Variants in RIF1 observed in about 807,000 individuals in gnomAD.
RIF1 encodes replication timing regulatory factor 1.
In RIF1, 45 loss-of-function variants were observed where a neutral mutation model predicts 247.1. The ratio of observed to expected loss-of-function variants is 0.18; its 90% CI spans 0.14 to 0.23. The LOEUF is 0.23. Among genes scored for constraint, RIF1 ranks in the 10% least tolerant of loss-of-function variants. The probability of loss-of-function intolerance (pLI) is 1.00; values close to 1 mark genes in which losing one functional copy is unlikely to be tolerated. For synonymous variants in RIF1, 1,087 were observed against 978.8 expected (o/e 1.11, Z -2.06); for missense variants, 2,967 against 2,862.5 (o/e 1.04, Z -0.83).
chr2:151,493,761 C>T (rs1010488580), intron 9 of RIF1: 1 of 1,513,076 alleles, frequency 6.6e-7, no homozygotes. Context: ...ATTTATTTTT[C>T]CTTTCTAAAA....
the RIF1 span, chr2:151,533,297 A>T: frequency 1.7e-6 from 1 of 603,482 alleles, no homozygotes; most frequent in East Asian, 2.8e-5. Flanking sequence ...TTCAGAGATC[A>T]TTTACAAGGA....
chr2:151,468,871 A>G (rs529595823), intron 33 of RIF1, 115 bp downstream of exon 33: 10 of 749,418 alleles, frequency 1.3e-5, no homozygotes, highest in Middle Eastern at 2.4e-4. Context: ...TCTCACACAC[A>G]TTTTATTTTT....
intron 3 of RIF1, among the ~76,000 whole-genome samples, chr2:151,412,423 C>A (rs531138620): frequency 6.6e-6 from 1 of 152,010 alleles, no homozygotes; most frequent in Non-Finnish European, 1.5e-5. Flanking sequence ...TGGGTCCAAG[C>A]GATCCTCCCA....
chr2:151,448,357 C>A (rs567586639), intron 20 of RIF1, among the ~76,000 whole-genome samples: 6 of 152,098 alleles, frequency 3.9e-5, no homozygotes, highest in African/African-American at 1.2e-4. Flanking sequence ...AATGACAGTT[C>A]TTATTGTAAA....
At position 151,464,665 on chromosome 2, in the gene RIF1, A is replaced by G. The variant is rs769247192; in HGVS notation, c.5145A>G (p.Thr1715=). 1.4e-5 allele frequency: 23 copies of G among 1,612,834 alleles called. No individual in the cohort carries two copies. In the South Asian group the frequency reaches 2.0e-4, roughly 14 times the overall value. ...CGCTTTCAGAAAAAACTTTTCAAAC[A>G]CTTGAATGCCAACACAAGAGAAGTA... ...ISSLSEKTFQ[T]LECQHKRSRR... is the part of the protein sequence containing the mutation. The change falls in exon 30 of 36, where the codon ACA becomes ACG. Residue 1715 remains threonine (T), a synonymous_variant. Transcript: ENST00000444746.
At chr2:151,473,923 G>A (rs368631334) in intron 34 of RIF1, 41 bp from the exon 35 acceptor site, 1 of 959,696 alleles carries the variant, frequency 1.0e-6, no homozygotes, top group South Asian at 1.3e-5. Flanking sequence ...ATTTGTTGTT[G>A]TTGTTGTTTT....
intron 12 of RIF1, chr2:151,505,914 TTGAC>T (rs1424097092): frequency 3.6e-6 from 2 of 563,112 alleles, no homozygotes; most frequent in Non-Finnish European, 6.3e-6. Context: ...GGTTGGTTCT[TTGAC>T]TGTACCGGAT....
At chr2:151,507,413 CTG>C (rs1421811874) in intron 13 of RIF1, among the ~76,000 whole-genome samples, 1 of 152,192 alleles carries the variant, frequency 6.6e-6, no homozygotes, top group Non-Finnish European at 1.5e-5. Flanking sequence ...CTGGCCTTCT[CTG>C]TTTTTTCCTG....
chr2:151,523,072 G>A, the RIF1 span, among the ~76,000 whole-genome samples: 4 of 152,052 alleles, frequency 2.6e-5, no homozygotes, highest in African/African-American at 7.2e-5. Flanking sequence ...CATCATAGTC[G>A]TTTGTTTTTA....
At chr2:151,458,397 T>A (rs13403719) in intron 24 of RIF1, among the ~76,000 whole-genome samples, 44,928 of 151,694 alleles carry the variant, frequency 0.3, 8,131 homozygotes, top group Non-Finnish European at 0.42. Flanking sequence ...CATGCCTGGC[T>A]AATTTTTTGT....
chr2:151,527,526 T>TC, the RIF1 span: 2 of 1,613,474 alleles, frequency 1.2e-6, no homozygotes, highest in Non-Finnish European at 1.7e-6. Flanking sequence ...GGAAGTCCGG[T>TC]CGGTCAGGAG....
At position 151,464,763 on chromosome 2, in the gene RIF1, G is replaced by T. The variant is rs1326139251; in HGVS notation, c.5243G>T (p.Gly1748Val). ...KSQPQEKSLIGLKNTENNDVE... is the reference protein window; with the variant it reads ...KSQPQEKSLIVLKNTENNDVE... ...CAACCTCAGGAAAAGTCACTCATTG[G>T]GTTAAAGAATACAGAAAATAATGAC... Residue 1748 changes from glycine (G) to valine (V), a missense_variant, in exon 30 of 36, where the codon GGG becomes GTG. Gly to Val is a moderately radical substitution (Grantham distance 109, BLOSUM62 -3). Transcript: ENST00000444746. 2.5e-6 allele frequency: 4 copies of T among 1,613,778 alleles called. No individual in the cohort carries two copies. The highest frequency in any genetic ancestry group is 3.4e-6 in the Non-Finnish European group (4 of 1,179,928).
chr2:151,463,905 T>C lies in RIF1; in HGVS notation c.4385T>C (p.Val1462Ala). Reference sequence around the variant, plus strand: ...AGTCCATTGCATATAAAAGATGATGTGTTACCTAAACAAAAACTGATTGCT... The same window carrying C: ...AGTCCATTGCATATAAAAGATGATGCGTTACCTAAACAAAAACTGATTGCT... ...QKSPLHIKDD[V>A]LPKQKLIAEQ... Residue 1462 changes from valine to alanine, a missense_variant, in exon 30 of 36, where the codon GTG (valine) becomes GCG (alanine). This residue lies in a region of RIF1 where 2,028 missense variants were observed against 1,825.6 expected (regional missense o/e 1.11). Coordinates refer to ENST00000444746, the MANE Select transcript of RIF1 (RefSeq NM_018151.5). The C allele has an allele frequency of 6.2e-7, 1 of 1,613,656 alleles. No homozygotes were observed. The highest frequency in any genetic ancestry group is 8.5e-7 in the Non-Finnish European group (1 of 1,179,920).
In RIF1 at chr2:151,475,225, T is replaced by C. The variant is rs1475482297; in HGVS notation, c.*154T>C. ...GAAGGACAGTGACTTATTATGTAAG[T>C]TCAATTTTGTAAGTTCATTATGTAA... On this transcript the variant is annotated 3_prime_UTR_variant, in exon 36 of 36. Coordinates refer to ENST00000444746, the MANE Select transcript of RIF1 (RefSeq NM_018151.5). The C allele has an allele frequency of 1.6e-6, 1 of 617,984 alleles. No individual in the cohort carries two copies. The highest frequency in any genetic ancestry group is 2.8e-6 in the Non-Finnish European group (1 of 355,622). 38.3% of individuals were successfully genotyped at this position (617,984 alleles called of 1,614,324 possible).
In RIF1 at chr2:151,433,169, G is replaced by A; in HGVS notation, c.1018G>A (p.Glu340Lys). The A allele has an allele frequency of 1.2e-6, 2 of 1,613,448 alleles. No individual in the cohort carries two copies. Among genetic ancestry groups the A allele is most frequent in the East Asian group, 2.2e-5 (1 of 44,816 alleles). ...RTETLALTKL[E>K]VWWYLLMRLG... ...AGAAACTCTAGCATTAACAAAACTA[G>A]AAGTCTGGTGGTATTTACTGATGAG... is the stretch of plus-strand genomic sequence containing the variant. The change falls in exon 10 of 36, where the codon GAA (glutamate) becomes AAA (lysine). Residue 340 changes from glutamate (E) to lysine (K), a missense_variant. Glu to Lys is a moderately conservative substitution (Grantham distance 56, BLOSUM62 1). Coordinates refer to ENST00000444746, the MANE Select transcript of RIF1 (RefSeq NM_018151.5).
intron 16 of RIF1, 139 bp from the exon 17 acceptor site, chr2:151,443,120 A>C (rs1692655039): frequency 3.3e-6 from 2 of 612,198 alleles, no homozygotes; most frequent in South Asian, 4.3e-5. Context: ...AATTTTACTA[A>C]CATGGTTGTC....
At chr2:151,448,824 T>C (rs1466691070) in intron 20 of RIF1, among the ~76,000 whole-genome samples, 1 of 152,202 alleles carries the variant, frequency 6.6e-6, no homozygotes, top group East Asian at 1.9e-4. Flanking sequence ...GAATAAACAA[T>C]GTGCAGGTTT....
At chr2:151,435,628 T>G in intron 11 of RIF1, 48 bp downstream of exon 11, 3 of 1,019,828 alleles carry the variant, frequency 2.9e-6, no homozygotes, top group Non-Finnish European at 4.6e-6. Context: ...CAGGCTTTGT[T>G]GACCTAGAAG....
the RIF1 span, chr2:151,518,426 A>C: frequency 6.3e-7 from 1 of 1,578,232 alleles, no homozygotes; most frequent in Non-Finnish European, 8.7e-7. Flanking sequence ...ACTGGTACTG[A>C]GGGGAAGGCG....
Sources: gnomAD v4.1 joint callset for allele counts (sites outside exome capture counted in the v4.1 genomes callset) on GRCh38, gnomAD v4.1.1 for gene constraint, gnomAD v4.1.1 regional missense constraint, MANE v1.5 for transcripts, NCBI Gene and HGNC (gene_info 2026-07-23, HGNC 2026-07-21) for gene names.